Variants in LMO7 observed in about 807,000 individuals in gnomAD.
The protein encoded by LMO7 is LIM domain 7, also known as LIM domain only protein 7.
Under a neutral mutation model 206.5 loss-of-function variants are expected in LMO7, and 120 were observed. That is an observed-to-expected ratio of 0.58 (90% confidence interval 0.50 to 0.68). The LOEUF is 0.68. Ranked by LOEUF, LMO7 falls within the 30% of genes least tolerant of loss-of-function variation. The pLI is 0.00. For synonymous variants in LMO7, 706 were observed against 681.5 expected (o/e 1.04, Z -0.56); for missense variants, 1,959 against 1,957.9 (o/e 1.00, Z -0.01).
chr13:75,754,711 T>A (rs2047537434), intron 3 of LMO7, among the ~76,000 whole-genome samples: 1 of 152,186 alleles, frequency 6.6e-6, no homozygotes, highest in African/African-American at 2.4e-5. Context: ...ACATTACTGA[T>A]GAAAGAGCAA....
At chr13:75,851,328 C>T (rs1182957136) in intron 27 of LMO7, among the ~76,000 whole-genome samples, 1 of 152,196 alleles carries the variant, frequency 6.6e-6, no homozygotes, top group East Asian at 1.9e-4. Context: ...AACACAAGCA[C>T]ATTGCATATG....
chr13:75,830,554 G>T lies in LMO7; in HGVS notation c.2950-2497G>T, dbSNP rs141668979. ...GTCCTCTCCTCTTTGCCTGTGTTCT[G>T]TCCCAAGGACTAACACAACACTCTG... On this transcript the variant is annotated intron_variant, in intron 15 of 30. Transcript: ENST00000377534. Among the ~76,000 whole-genome samples the T allele has an allele frequency of 5.3e-5, 8 of 152,262 alleles. No homozygotes were observed. The East Asian group carries it at 1.5e-3, about 29-fold the overall frequency.
chr13:75,816,808 A>G (rs1222536303), intron 11 of LMO7: 2 of 161,054 alleles, frequency 1.2e-5, no homozygotes, highest in African/African-American at 4.8e-5. Context: ...AAAGAGAGAT[A>G]ATTCTAGTGA....
chr13:75,682,434 G>A (rs2040613128), intron 1 of LMO7, among the ~76,000 whole-genome samples: 1 of 152,070 alleles, frequency 6.6e-6, no homozygotes, highest in East Asian at 1.9e-4. Context: ...TTTTATTGTG[G>A]TTAAGGGGTG....
chr13:75,698,713 G>A (rs1052729046), intron 1 of LMO7, among the ~76,000 whole-genome samples: 4 of 151,410 alleles, frequency 2.6e-5, no homozygotes, highest in African/African-American at 9.7e-5. Context: ...TGGTGCGAAA[G>A]GTCTTTGTAA....
At position 75,677,282 on chromosome 13, in the gene LMO7, A is replaced by G. The variant is rs567206955; in HGVS notation, c.70-35900A>G. ...CTTTATGGTTTCTAAAATTGCAATT[A>G]TTGTCTGGAAGAGCTAACCTTTGAC... On this transcript the variant is annotated intron_variant, in intron 1 of 30. Coordinates refer to ENST00000377534, the MANE Select transcript of LMO7 (RefSeq NM_001306080.2). Among the ~76,000 whole-genome samples, 967 of 152,342 alleles carry G rather than the reference A, an allele frequency of 6.3e-3. 5 individuals carry two copies. The highest frequency in any genetic ancestry group is 0.011 in the Non-Finnish European group (716 of 68,032).
chr13:75,764,807 A>G (rs1465378315), intron 4 of LMO7, among the ~76,000 whole-genome samples: 1 of 152,110 alleles, frequency 6.6e-6, no homozygotes, highest in Non-Finnish European at 1.5e-5. Flanking sequence ...CAGAGTGGCA[A>G]TGACTTTGAA....
intron 1 of LMO7, among the ~76,000 whole-genome samples, chr13:75,677,897 G>GT (rs1218105251): frequency 1.3e-5 from 2 of 149,470 alleles, no homozygotes; most frequent in Admixed American, 1.4e-4. Flanking sequence ...GCAGTGTTTG[G>GT]TTTTTTGTCC....
At chr13:75,772,326 T>C (rs2049865550) in intron 4 of LMO7, among the ~76,000 whole-genome samples, 1 of 152,132 alleles carries the variant, frequency 6.6e-6, no homozygotes, top group African/African-American at 2.4e-5. Context: ...GGGATAATTC[T>C]CCTTTAAATA....
chr13:75,781,231 C>T, intron 4 of LMO7, among the ~76,000 whole-genome samples: 1 of 145,534 alleles, frequency 6.9e-6, no homozygotes, highest in African/African-American at 2.5e-5. Context: ...CACCCACTAA[C>T]TCGTCATCTA....
intron 11 of LMO7, among the ~76,000 whole-genome samples, chr13:75,811,210 T>TC (rs2056353771): frequency 8.1e-6 from 1 of 123,370 alleles, no homozygotes; most frequent in Non-Finnish European, 1.7e-5. Flanking sequence ...TTCTTTCTCT[T>TC]TTTTTTTTTT....
chr13:75,707,255 T>G (rs1289789769), intron 1 of LMO7, among the ~76,000 whole-genome samples: 2 of 151,988 alleles, frequency 1.3e-5, no homozygotes, highest in Non-Finnish European at 2.9e-5. Context: ...ACTGTTAGTA[T>G]ATTTATTCCA....
chr13:75,852,130 ATCT>A (rs2060547908), intron 27 of LMO7, among the ~76,000 whole-genome samples: 1 of 152,200 alleles, frequency 6.6e-6, no homozygotes, highest in African/African-American at 2.4e-5. Flanking sequence ...ATAAGTATCA[ATCT>A]TCTTAGACTT....
intron 1 of LMO7, among the ~76,000 whole-genome samples, chr13:75,677,524 CA>C (rs1351555721): frequency 6.6e-6 from 1 of 152,006 alleles, no homozygotes; most frequent in African/African-American, 2.4e-5. Flanking sequence ...TGTGAAGTTA[CA>C]TAATCCAGCC....
chr13:75,713,883 G>C (rs1714114049), intron 2 of LMO7, among the ~76,000 whole-genome samples: 1 of 152,194 alleles, frequency 6.6e-6, no homozygotes, highest in African/African-American at 2.4e-5. Context: ...AGTACAGTTA[G>C]TCAAGTATAT....
At chr13:75,681,718 G>GTATATGTATATATATA (rs1555293392) in intron 1 of LMO7, among the ~76,000 whole-genome samples, 2 of 104,560 alleles carry the variant, frequency 1.9e-5, no homozygotes, top group East Asian at 5.3e-4. Flanking sequence ...ATATATATAT[G>GTATATGTATATATATA]TATATATATA....
chr13:75,799,998 T>C (rs1221344509), intron 6 of LMO7, among the ~76,000 whole-genome samples: 2 of 152,230 alleles, frequency 1.3e-5, no homozygotes, highest in South Asian at 2.1e-4. Context: ...ATATTTTATT[T>C]AGGTCCATAG....
chr13:75,626,203 G>C (rs2034048331), intron 2 of LMO7, among the ~76,000 whole-genome samples: 1 of 152,066 alleles, frequency 6.6e-6, no homozygotes, highest in Admixed American at 6.6e-5. Context: ...GAGATCTACT[G>C]TATTAGTCCG....
At chr13:75,621,061 A>G (rs1439425447) in exon 1 of LMO7, 1 of 152,230 alleles carries the variant, frequency 6.6e-6, no homozygotes, top group East Asian at 1.9e-4. Flanking sequence ...TACCTTAAGC[A>G]AAAATATTCT....
Sources: allele counts gnomAD v4.1 joint callset (sites outside exome capture counted in the v4.1 genomes callset), GRCh38; gene constraint gnomAD v4.1.1; transcripts MANE v1.5; gene names NCBI Gene and HGNC (gene_info 2026-07-23, HGNC 2026-07-21).